NELL2: variants seen among roughly 807,000 people sequenced by gnomAD.
The protein encoded by NELL2 is protein kinase C-binding protein NELL2.
NELL2 carries 41 observed loss-of-function variants against 109.6 expected under a neutral mutation model. That is an observed-to-expected ratio of 0.37 (90% CI 0.29 to 0.49). The LOEUF (loss-of-function observed/expected upper bound fraction) is 0.49. NELL2 is among the 20% of genes least tolerant of loss of function. NELL2 has a pLI of 0.98. For synonymous variants in NELL2, 355 were observed against 344.7 expected, an observed-to-expected ratio of 1.03 and a Z score of -0.33; for missense variants, 900 against 1,008.3, an observed-to-expected ratio of 0.89 and a Z score of 1.45.
chr12:44,700,827 C>T (rs1489786532), intron 12 of NELL2, among the ~76,000 whole-genome samples: 1 of 152,036 alleles, frequency 6.6e-6, no homozygotes, highest in Admixed American at 6.6e-5. Flanking sequence ...CTGCTTTATC[C>T]TTATCTCTAA....
chr12:44,570,153 T>C (rs1943809595), intron 15 of NELL2, among the ~76,000 whole-genome samples: 1 of 152,192 alleles, frequency 6.6e-6, no homozygotes. Flanking sequence ...GGAATTATAG[T>C]TCATTAATTC....
At chr12:44,733,783 A>C (rs1402525150) in intron 9 of NELL2, among the ~76,000 whole-genome samples, 1 of 151,992 alleles carries the variant, frequency 6.6e-6, no homozygotes, top group African/African-American at 2.4e-5. Flanking sequence ...GAAGGAAAGA[A>C]GGAATGAAAT....
intron 9 of NELL2, among the ~76,000 whole-genome samples, chr12:44,766,697 T>C (rs549767205): frequency 6.6e-6 from 1 of 152,316 alleles, no homozygotes; most frequent in Non-Finnish European, 1.5e-5. Context: ...ATCCTCTTAC[T>C]TATTTCAAAG....
intron 15 of NELL2, among the ~76,000 whole-genome samples, chr12:44,544,084 A>G (rs1295464698): frequency 1.3e-5 from 2 of 152,108 alleles, no homozygotes. Flanking sequence ...ACATCTTTAC[A>G]TTTCATAGGG....
At chr12:44,514,918 T>C (rs1465174183) in intron 19 of NELL2, among the ~76,000 whole-genome samples, 3 of 151,064 alleles carry the variant, frequency 2.0e-5, no homozygotes, top group East Asian at 3.9e-4. Context: ...TATAATACTA[T>C]ACCTAATTAT....
At chr12:44,828,219 C>T (rs960540771) in intron 2 of NELL2, among the ~76,000 whole-genome samples, 2 of 152,014 alleles carry the variant, frequency 1.3e-5, no homozygotes, top group Non-Finnish European at 2.9e-5. Flanking sequence ...GGTTATTATT[C>T]CCCTGTCAGA....
chr12:44,586,568 G>A lies in NELL2; in HGVS notation c.1663+20601C>T, dbSNP rs193159440. Among the ~76,000 whole-genome samples, 197 of 151,894 alleles carry A rather than the reference G, an allele frequency of 1.3e-3. 1 individual carries two copies. The highest frequency in any genetic ancestry group is 4.7e-3 in the African/African-American group (193 of 41,392). ...GCTAAGGTATCTAAAATAATTATAC[G>A]GAATTTACCAAACAACAACTACAAT... On this transcript the variant is annotated intron_variant, in intron 15 of 19. Transcript: ENST00000429094.
intron 2 of NELL2, among the ~76,000 whole-genome samples, chr12:44,840,622 C>T (rs868788454): frequency 2.1e-4 from 32 of 149,046 alleles, no homozygotes; most frequent in Admixed American, 4.7e-4. Context: ...GGCGACAGAG[C>T]GAGACTCCGT....
At chr12:44,555,200 C>A (rs1943201728) in intron 15 of NELL2, among the ~76,000 whole-genome samples, 1 of 152,096 alleles carries the variant, frequency 6.6e-6, no homozygotes, top group African/African-American at 2.4e-5. Context: ...AATCAATTAA[C>A]CTAGTTGTGG....
At chr12:44,556,437 C>T (rs183001677) in intron 15 of NELL2, among the ~76,000 whole-genome samples, 56 of 152,138 alleles carry the variant, frequency 3.7e-4, no homozygotes, top group African/African-American at 1.3e-3. Context: ...AACCCAGCAC[C>T]CAAATGGCAA....
At chr12:44,812,192 G>C (rs544911910) in intron 3 of NELL2, among the ~76,000 whole-genome samples, 6 of 152,140 alleles carry the variant, frequency 3.9e-5, no homozygotes, top group Non-Finnish European at 8.8e-5. Flanking sequence ...CATATAGAAG[G>C]CTCCACTGGC....
At chr12:44,843,325 C>T (rs1944281484) in intron 2 of NELL2, among the ~76,000 whole-genome samples, 1 of 152,008 alleles carries the variant, frequency 6.6e-6, no homozygotes, top group South Asian at 2.1e-4. Flanking sequence ...TATTTATCAT[C>T]AGAGAAATGC....
chr12:44,734,306 T>G lies in NELL2; in HGVS notation c.995-19565A>C, dbSNP rs545115355. Among the ~76,000 whole-genome samples the G allele has an allele frequency of 5.4e-3, 826 of 152,100 alleles. 3 individuals are homozygous for G. Among genetic ancestry groups the G allele is most frequent in the Non-Finnish European group, 9.1e-3 (619 of 67,860 alleles). ...CAGGGAAAAATACCTTTCTTTTGCA[T>G]GGTCTATATTTTACTGCTCTTTCAC... is the stretch of plus-strand genomic sequence containing the variant. On this transcript the variant is annotated intron_variant, in intron 9 of 19. Transcript: ENST00000429094.
Position 44,556,333 on chromosome 12 carries a change from T to C in NELL2, c.1664-23612A>G, listed in dbSNP as rs776388074. Among the ~76,000 whole-genome samples the C allele has an allele frequency of 5.3e-5, 8 of 151,884 alleles. 1 individual carries two copies. Among genetic ancestry groups the C allele is most frequent in the Middle Eastern group, 6.3e-3 (2 of 316 alleles). On this transcript the variant is annotated intron_variant, in intron 15 of 19. Transcript: ENST00000429094. ...AGAGGGGCTGATTTGAAATCTTAAG[T>C]GGGAAAAAAGGATAGGCAGAGCTTG...
At chr12:44,548,737 G>A (rs1942908332) in intron 15 of NELL2, among the ~76,000 whole-genome samples, 1 of 151,702 alleles carries the variant, frequency 6.6e-6, no homozygotes, top group Non-Finnish European at 1.5e-5. Context: ...ATTTAAATTG[G>A]GACTTAAAGA....
intron 1 of NELL2, among the ~76,000 whole-genome samples, chr12:44,912,640 C>T (rs1213406619): frequency 1.3e-5 from 2 of 152,144 alleles, no homozygotes; most frequent in African/African-American, 4.8e-5. Flanking sequence ...TTTATTTATT[C>T]TTCCACCTAA....
intron 2 of NELL2, among the ~76,000 whole-genome samples, chr12:44,838,650 GCA>G (rs1046913748): frequency 2.7e-5 from 4 of 148,232 alleles, no homozygotes; most frequent in Non-Finnish European, 6.0e-5. Context: ...ATGTATAGAA[GCA>G]CACACACATT....
At chr12:44,864,545 G>C (rs1944933609) in intron 2 of NELL2, among the ~76,000 whole-genome samples, 1 of 152,124 alleles carries the variant, frequency 6.6e-6, no homozygotes, top group Non-Finnish European at 1.5e-5. Flanking sequence ...CTTTACATCA[G>C]TGCACCTAAA....
intron 19 of NELL2, among the ~76,000 whole-genome samples, chr12:44,511,187 T>C (rs1940988401): frequency 6.6e-6 from 1 of 152,208 alleles, no homozygotes; most frequent in Non-Finnish European, 1.5e-5. Flanking sequence ...AACAGGATTC[T>C]ACAAACCATA....
Sources: gnomAD v4.1 joint callset for allele counts (sites outside exome capture counted in the v4.1 genomes callset) on GRCh38, gnomAD v4.1.1 for gene constraint, MANE v1.5 for transcripts, NCBI Gene and HGNC (gene_info 2026-07-23, HGNC 2026-07-21) for gene names.